The following CELF2 variants were observed in gnomAD, a reference collection of about 807,000 sequenced individuals.
CELF2 encodes the protein CUGBP Elav-like family member 2.
A neutral mutation model predicts 62.6 loss-of-function variants in CELF2; 8 were observed. The observed-to-expected ratio is 0.13, with a 90% CI of 0.07 to 0.23. The LOEUF is 0.23. Among genes scored for constraint, CELF2 ranks in the 10% least tolerant of loss-of-function variants. The pLI is 1.00. For synonymous variants in CELF2, 258 were observed against 250.0 expected, an observed-to-expected ratio of 1.03 and a Z score of -0.30; for missense variants, 333 against 671.0, an observed-to-expected ratio of 0.50 and a Z score of 5.56.
At chr10:11,186,632 C>T (rs2075009133) in intron 2 of CELF2, among the ~76,000 whole-genome samples, 1 of 152,112 alleles carries the variant, frequency 6.6e-6, no homozygotes, top group South Asian at 2.1e-4. Flanking sequence ...TTGCGCATCC[C>T]TAATCCAAAA....
the CELF2 span, among the ~76,000 whole-genome samples, chr10:10,686,112 C>A: frequency 1.3e-5 from 2 of 151,924 alleles, no homozygotes; most frequent in African/African-American, 4.8e-5. Context: ...GTGGTAATAA[C>A]GTGAGAAGAT....
rs2072040301 is a variant in CELF2, at chr10:11,076,654, G to C, written c.74+58491G>C. On this transcript the variant is annotated intron_variant, in intron 1 of 12. Coordinates refer to ENST00000633077, the MANE Select transcript of CELF2 (RefSeq NM_001326342.2). ...AAGAATGCTGGCTCTAGGTGAAATT[G>C]TGTGTTTAGCCTTTCCTTTGGTGCA... is the stretch of plus-strand genomic sequence containing the variant. 2.0e-5 allele frequency among the ~76,000 whole-genome samples: 3 copies of C among 152,228 alleles called. No homozygotes were observed. In the South Asian group the frequency reaches 6.2e-4, roughly 32 times the overall value.
At chr10:11,198,998 T>C (rs923436752) in intron 2 of CELF2, among the ~76,000 whole-genome samples, 17 of 152,186 alleles carry the variant, frequency 1.1e-4, no homozygotes, top group Non-Finnish European at 2.2e-4. Flanking sequence ...TGCAGGGCAG[T>C]CCTGGCCTTG....
chr10:11,259,179 A>C (rs768954128), intron 5 of CELF2, among the ~76,000 whole-genome samples: 10 of 152,240 alleles, frequency 6.6e-5, no homozygotes, highest in Non-Finnish European at 1.5e-4. Context: ...ATGAGGATGA[A>C]AGCACTCGTC....
chr10:10,791,140 ACT>A, the CELF2 span, among the ~76,000 whole-genome samples: 2 of 151,884 alleles, frequency 1.3e-5, no homozygotes, highest in Non-Finnish European at 2.9e-5. Flanking sequence ...TCTACTTACA[ACT>A]CTGTCTCAAT....
the CELF2 span, among the ~76,000 whole-genome samples, chr10:10,499,436 T>G: frequency 3.9e-5 from 6 of 152,170 alleles, no homozygotes; most frequent in Non-Finnish European, 7.4e-5. Flanking sequence ...AGGGCTAAAC[T>G]TACTAGTAAT....
intron 2 of CELF2, chr10:10,945,898 C>T (rs2047619336): frequency 1.3e-5 from 2 of 152,586 alleles, no homozygotes; most frequent in African/African-American, 4.8e-5. Context: ...TATGTTTCCA[C>T]CTCCCACGTT....
chr10:10,752,996 T>C, the CELF2 span, among the ~76,000 whole-genome samples: 11 of 152,288 alleles, frequency 7.2e-5, no homozygotes, highest in East Asian at 2.1e-3. Flanking sequence ...GACAGTGTTT[T>C]CCAACTAATG....
the CELF2 span, among the ~76,000 whole-genome samples, chr10:10,744,157 G>C: frequency 1.7e-4 from 26 of 152,056 alleles, no homozygotes; most frequent in Non-Finnish European, 2.9e-4. Flanking sequence ...GTATACGAGT[G>C]CCAGTATTGC....
intron 1 of CELF2, among the ~76,000 whole-genome samples, chr10:10,829,172 T>A (rs780743696): frequency 1.3e-5 from 2 of 152,272 alleles, no homozygotes; most frequent in Non-Finnish European, 2.9e-5. Context: ...TATGGACTGA[T>A]ACGTATCTTG....
At chr10:10,699,700 AG>A in the CELF2 span, among the ~76,000 whole-genome samples, 2 of 152,180 alleles carry the variant, frequency 1.3e-5, no homozygotes, top group African/African-American at 4.8e-5. Context: ...AGACTGGAAA[AG>A]TGAGAGAGGC....
chr10:10,683,481 A>G, the CELF2 span, among the ~76,000 whole-genome samples: 1 of 152,134 alleles, frequency 6.6e-6, no homozygotes, highest in Non-Finnish European at 1.5e-5. Flanking sequence ...AGCCCCATAA[A>G]CACGTATTTG....
At chr10:10,830,719 A>G (rs1410276261) in intron 1 of CELF2, among the ~76,000 whole-genome samples, 2 of 152,200 alleles carry the variant, frequency 1.3e-5, no homozygotes, top group Non-Finnish European at 2.9e-5. Flanking sequence ...TTTTACATAG[A>G]AAGCATTCGC....
In CELF2 at chr10:10,972,113, T is replaced by A. The variant is rs1330154811; in HGVS notation, c.89+52114T>A. Among the ~76,000 whole-genome samples, 2 of 152,166 alleles carry A rather than the reference T, an allele frequency of 1.3e-5. No homozygotes were observed. The highest frequency in any genetic ancestry group is 6.5e-5 in the Admixed American group (1 of 15,284). ...ATCAATGTCTTGGCAATTGTTAAAA[T>A]TTAGCCTTTATGGAGTCCTCATATA... On this transcript the variant is annotated intron_variant, in intron 2 of 13. Coordinates refer to the CELF2 transcript ENST00000636488. This position sits in a 1 kb window ranked among gnomAD's most constrained non-coding sequence, Gnocchi z 4.4.
intron 1 of CELF2, among the ~76,000 whole-genome samples, chr10:10,891,221 T>G (rs1279572473): frequency 6.6e-5 from 10 of 152,138 alleles, no homozygotes; most frequent in Non-Finnish European, 1.0e-4. Flanking sequence ...TGTAAGCAAC[T>G]GGGAATATAC....
intron 2 of CELF2, among the ~76,000 whole-genome samples, chr10:11,215,868 A>G (rs961391763): frequency 3.3e-5 from 5 of 152,210 alleles, no homozygotes; most frequent in Non-Finnish European, 7.3e-5. Context: ...AGCAATTCCT[A>G]TGGCTTTTCT....
chr10:11,167,678 G>A (rs947134588), intron 2 of CELF2, among the ~76,000 whole-genome samples: 9 of 152,314 alleles, frequency 5.9e-5, no homozygotes, highest in African/African-American at 1.9e-4. Flanking sequence ...TCTGTTCACT[G>A]TGCCTGATTA....
rs2063634656 is a variant in CELF2 at position 11,217,420 on chromosome 10, T to C, written c.272-5T>C. Reference sequence around the variant, plus strand: ...TTTCTAAAACCTTTTCATTTCTCTCTGTAGGTTGTTGTTTCGTAACATTTT... The same window carrying C: ...TTTCTAAAACCTTTTCATTTCTCTCCGTAGGTTGTTGTTTCGTAACATTTT... On this transcript the variant is annotated splice_region_variant and splice_polypyrimidine_tract_variant and intron_variant, in intron 2 of 12. Transcript: ENST00000633077. This position sits in a 1 kb window ranked among gnomAD's most constrained non-coding sequence, Gnocchi z 5.6. 6.2e-7 allele frequency: 1 copy of C among 1,607,140 alleles called. No individual in the cohort carries two copies. The highest frequency in any genetic ancestry group is 2.2e-5 in the East Asian group (1 of 44,846).
upstream of CELF2, chr10:10,797,051 C>A: frequency 4.1e-6 from 1 of 245,784 alleles, no homozygotes; most frequent in Non-Finnish European, 6.5e-6. Flanking sequence ...TCCACGGGTC[C>A]ATGGAGAACA....
Sources: gnomAD v4.1 joint callset for allele counts (sites outside exome capture counted in the v4.1 genomes callset) on GRCh38, gnomAD v4.1.1 for gene constraint, Gnocchi (gnomAD v3.1) non-coding constraint, MANE v1.5 for transcripts, NCBI Gene and HGNC (gene_info 2026-07-23, HGNC 2026-07-21) for gene names.